PDCD2L: variants seen among roughly 807,000 people sequenced by gnomAD.
PDCD2L encodes programmed cell death 2 like, also known as uS5 assembly chaperone PDCD2L.
In PDCD2L, 44 loss-of-function variants were observed where a neutral mutation model predicts 40.4. The observed-to-expected ratio is 1.09, with a 90% CI of 0.86 to 1.40. The LOEUF (loss-of-function observed/expected upper bound fraction) is 1.40, where lower values mean the gene tolerates loss of function less well. Ranked by LOEUF, PDCD2L falls within the 40% of genes most tolerant of loss-of-function variation. The probability of loss-of-function intolerance (pLI) is 0.00; values close to 1 mark genes in which losing one functional copy is unlikely to be tolerated. For missense variants in PDCD2L, 470 were observed against 453.7 expected (o/e 1.04, Z -0.33); for synonymous variants, 194 against 174.6 (o/e 1.11, Z -0.88).
In PDCD2L at chr19:34,404,694, T is replaced by G. The variant is rs111356598; in HGVS notation, c.154T>G (p.Cys52Gly). ...VAAPRPVCQR[C>G]GQPLALVVQV... Reference sequence around the variant, plus strand: ...TGCGCCCAGGCCCGTGTGTCAGCGCTGCGGGCAGCCGCTCGCTCTGGTCGT... The same window carrying G: ...TGCGCCCAGGCCCGTGTGTCAGCGCGGCGGGCAGCCGCTCGCTCTGGTCGT... Residue 52 changes from cysteine (C) to glycine (G), a missense_variant, in exon 2 of 7, where the codon TGC becomes GGC. Transcript: ENST00000246535. The G allele has an allele frequency of 6.2e-7, 1 of 1,612,140 alleles. No homozygotes were observed. Among genetic ancestry groups the G allele is most frequent in the South Asian group, 1.1e-5 (1 of 91,066 alleles).
At position 34,423,392 on chromosome 19, in the gene PDCD2L, C is replaced by T. The variant is rs910267879; in HGVS notation, c.946+1725C>T. 2.3e-4 allele frequency among the ~76,000 whole-genome samples: 35 copies of T among 151,458 alleles called. 1 individual carries two copies. The highest frequency in any genetic ancestry group is 7.8e-4 in the African/African-American group (32 of 41,194). ...AGAAACAGGTTTCACTGTTGTTGGC[C>T]AGGCTGGTCTCAAACTCCTGACCTC... is the stretch of plus-strand genomic sequence containing the variant. On this transcript the variant is annotated intron_variant, in intron 6 of 6. Transcript: ENST00000246535.
chr19:34,406,176 T>G (rs2075074505), intron 3 of PDCD2L, among the ~76,000 whole-genome samples: 1 of 152,034 alleles, frequency 6.6e-6, no homozygotes, highest in Non-Finnish European at 1.5e-5. Context: ...GGAGACTTCC[T>G]CCTGGATTTC....
At chr19:34,411,660 T>C (rs534478495) in intron 4 of PDCD2L, among the ~76,000 whole-genome samples, 1 of 151,880 alleles carries the variant, frequency 6.6e-6, no homozygotes, top group African/African-American at 2.4e-5. Flanking sequence ...TTAAAAAAAT[T>C]TTTGGTTTTT....
At chr19:34,424,747 T>TTG (rs1000976873) in intron 6 of PDCD2L, among the ~76,000 whole-genome samples, 2 of 141,272 alleles carry the variant, frequency 1.4e-5, no homozygotes, top group African/African-American at 5.0e-5. Context: ...ATTTTTTCAT[T>TTG]TTTTTTTTTT....
At chr19:34,424,324 G>A (rs1430786019) in intron 6 of PDCD2L, among the ~76,000 whole-genome samples, 1 of 152,112 alleles carries the variant, frequency 6.6e-6, no homozygotes, top group Non-Finnish European at 1.5e-5. Context: ...ATCTGTAGGG[G>A]TCTGTAGCAA....
rs1568359546 is a variant in PDCD2L at position 34,413,813 on chromosome 19, A to T, written c.763A>T (p.Lys255Ter). 6.2e-7 allele frequency: 1 copy of T among 1,606,942 alleles called. No homozygotes were observed. Among genetic ancestry groups the T allele is most frequent in the Non-Finnish European group, 8.5e-7 (1 of 1,175,024 alleles). ...AGATCAGACGTTTTACAAATTCATG[A>T]AGCGAATTGCTGCTTGTCAGGAGCA... ...SGDQTFYKFM[K>*]RIAACQEQIL... The change falls in exon 5 of 7, where the codon AAG (lysine) becomes TAG (stop). Residue 255 changes from lysine to a stop codon, truncating the protein, a stop_gained. Coordinates refer to ENST00000246535, the MANE Select transcript of PDCD2L (RefSeq NM_032346.2). LOFTEE classifies it high-confidence loss of function.
At position 34,409,316 on chromosome 19, in the gene PDCD2L, C is replaced by A; in HGVS notation, c.492C>A (p.Asp164Glu). 6.2e-7 allele frequency: 1 copy of A among 1,614,034 alleles called. No individual in the cohort carries two copies. The highest frequency in any genetic ancestry group is 2.2e-5 in the East Asian group (1 of 44,874). Residue 164 changes from aspartate to glutamate, a missense_variant, in exon 4 of 7, where the codon GAC (aspartate) becomes GAA (glutamate). Physicochemically the swap from Asp to Glu is conservative, Grantham distance 45. Transcript: ENST00000246535. ...KDVDWTARLQ[D>E]LRLQDAVLGA... ...TAGACTGGACTGCTCGGCTCCAAGA[C>A]CTCCGCCTGCAGGATGCTGTCCTGG...
intron 6 of PDCD2L, among the ~76,000 whole-genome samples, chr19:34,425,685 A>G (rs923664077): frequency 6.6e-6 from 1 of 152,182 alleles, no homozygotes; most frequent in Non-Finnish European, 1.5e-5. Context: ...TGTATATCAC[A>G]TGAACCATGT....
intron 6 of PDCD2L, among the ~76,000 whole-genome samples, chr19:34,423,683 G>A (rs1402780055): frequency 2.0e-5 from 3 of 150,638 alleles, no homozygotes; most frequent in African/African-American, 4.9e-5. Flanking sequence ...TAATAGAGAC[G>A]GGGTTTCGCC....
At chr19:34,407,780 T>C (rs759296085) in intron 3 of PDCD2L, among the ~76,000 whole-genome samples, 1 of 152,216 alleles carries the variant, frequency 6.6e-6, no homozygotes, top group Admixed American at 6.5e-5. Flanking sequence ...AAATATACTT[T>C]ATGAGAGCTA....
At chr19:34,417,980 AGGT>A (rs886977944) in intron 5 of PDCD2L, among the ~76,000 whole-genome samples, 12 of 152,166 alleles carry the variant, frequency 7.9e-5, no homozygotes, top group Non-Finnish European at 1.6e-4. Context: ...CCATTCTAGT[AGGT>A]GGTGGTGGTG....
chr19:34,410,475 C>T (rs2075097147), intron 4 of PDCD2L, among the ~76,000 whole-genome samples: 1 of 152,148 alleles, frequency 6.6e-6, no homozygotes, highest in Non-Finnish European at 1.5e-5. Context: ...TGGTCTCGAA[C>T]TCCTGACCTC....
chr19:34,426,073 G>T lies in PDCD2L; in HGVS notation c.1030G>T (p.Glu344Ter). ...CCCAAATCATCAGACTCCCATGGAA[G>T]AATTTTGTATTATACAAGAAGACCC... Reference protein sequence around the residue: ...WPPNHQTPMEEFCIIQEDPDE... With the variant: ...WPPNHQTPME The change falls in exon 7 of 7, where the codon GAA (glutamate) becomes TAA (stop). Residue 344 changes from glutamate (E) to a stop codon, truncating the protein, a stop_gained. Transcript: ENST00000246535. LOFTEE classifies it high-confidence loss of function. 1 of 1,602,530 alleles carries T rather than the reference G, an allele frequency of 6.2e-7. No homozygotes were observed. Among genetic ancestry groups the T allele is most frequent in the Non-Finnish European group, 8.6e-7 (1 of 1,169,488 alleles).
intron 3 of PDCD2L, among the ~76,000 whole-genome samples, chr19:34,407,496 T>A (rs1266687388): frequency 2.6e-5 from 4 of 152,242 alleles, no homozygotes; most frequent in Non-Finnish European, 4.4e-5. Flanking sequence ...TGTTTTAGAT[T>A]CCACATATAA....
chr19:34,416,610 G>C (rs1368055535), intron 5 of PDCD2L, among the ~76,000 whole-genome samples: 1 of 152,114 alleles, frequency 6.6e-6, no homozygotes, highest in Non-Finnish European at 1.5e-5. Flanking sequence ...AGTACTCTTA[G>C]AGAGAGGAAA....
chr19:34,409,085 G>C, intron 3 of PDCD2L, 76 bp from the exon 4 acceptor site: 1 of 1,383,262 alleles, frequency 7.2e-7, no homozygotes, highest in East Asian at 2.3e-5. Context: ...AGGCGCGGCG[G>C]TGGGTGGCTG....
At chr19:34,413,619 G>T in intron 4 of PDCD2L, 118 bp from the exon 5 acceptor site, 2 of 561,314 alleles carry the variant, frequency 3.6e-6, no homozygotes, top group Middle Eastern at 5.1e-4. Flanking sequence ...TTACAGGCGT[G>T]AGCCACTGCG....
chr19:34,422,568 G>GACAA (rs1379907003), intron 6 of PDCD2L, among the ~76,000 whole-genome samples: 4 of 152,116 alleles, frequency 2.6e-5, no homozygotes, highest in Non-Finnish European at 5.9e-5. Context: ...TAGCAAGTCA[G>GACAA]ATGAATGTAT....
chr19:34,421,474 G>T lies in PDCD2L; in HGVS notation c.798-45G>T, dbSNP rs768470201. 3.1e-6 allele frequency: 5 copies of T among 1,604,278 alleles called. No homozygotes were observed. In the South Asian group the frequency reaches 3.3e-5, roughly 11 times the overall value. ...AGCATGGCCTTAGATGCTAGAATGC[G>T]ACTTGTGTGGCTCTGATTCGGGGTT... On this transcript the variant is annotated intron_variant, in intron 5 of 6. Transcript: ENST00000246535.
Sources: allele counts gnomAD v4.1 joint callset (sites outside exome capture counted in the v4.1 genomes callset), GRCh38; gene constraint gnomAD v4.1.1; transcripts MANE v1.5; gene names NCBI Gene and HGNC (gene_info 2026-07-23, HGNC 2026-07-21).